Variants in SLC25A21 observed in about 807,000 individuals in gnomAD.
SLC25A21 encodes solute carrier family 25 member 21.
SLC25A21 carries 47 observed loss-of-function variants against 43.8 expected under a neutral mutation model. That is an observed-to-expected ratio of 1.07 (90% CI 0.85 to 1.37). The LOEUF (loss-of-function observed/expected upper bound fraction) is 1.37. SLC25A21 is among the 40% of genes most tolerant of loss of function. The pLI, the probability that SLC25A21 is intolerant of heterozygous loss-of-function variation, is 0.00. For missense variants in SLC25A21, 352 were observed against 350.2 expected (o/e 1.00, Z -0.04); for synonymous variants, 131 against 121.3 (o/e 1.08, Z -0.52).
Position 36,678,647 on chromosome 14 carries a change from G to C in SLC25A21, c.*2011C>G. 1.6e-6 allele frequency: 2 copies of C among 1,264,870 alleles called. No individual in the cohort carries two copies. Among genetic ancestry groups the C allele is most frequent in the African/African-American group, 1.5e-5 (1 of 65,824 alleles). The allele number at this position is 1,264,870 out of a possible 1,614,324, so 78.4% of individuals were successfully genotyped here. A position where few individuals can be genotyped will look rare whatever the true frequency, so the allele number is the denominator to read the frequency against. ...ATCAAATGTTTTTAGGTGGCTGTTA[G>C]GGGGCTTTAAAAAATATTACTTGCT... On this transcript the variant is annotated 3_prime_UTR_variant, in exon 10 of 10. Transcript: ENST00000331299.
intron 3 of SLC25A21, among the ~76,000 whole-genome samples, chr14:36,754,664 G>T (rs1885855921): frequency 6.6e-6 from 1 of 151,890 alleles, no homozygotes; most frequent in Non-Finnish European, 1.5e-5. Flanking sequence ...TACACACTGT[G>T]GGCACTTGAA....
At chr14:37,047,473 C>T (rs927651349) in intron 1 of SLC25A21, among the ~76,000 whole-genome samples, 3 of 152,182 alleles carry the variant, frequency 2.0e-5, no homozygotes, top group Non-Finnish European at 2.9e-5. Context: ...GGTCCATTTC[C>T]GGAACTTTGC....
At chr14:37,145,474 C>CAG (rs371272773) in intron 1 of SLC25A21, among the ~76,000 whole-genome samples, 21,950 of 119,308 alleles carry the variant, frequency 0.18, 1,669 homozygotes, top group South Asian at 0.28. Context: ...CACACACACA[C>CAG]ACAGAGAGAT....
At chr14:37,024,119 T>C (rs748828479) in intron 1 of SLC25A21, among the ~76,000 whole-genome samples, 13 of 152,080 alleles carry the variant, frequency 8.5e-5, no homozygotes, top group Admixed American at 2.0e-4. Flanking sequence ...TTGGACAAAA[T>C]GAGTAAGCAA....
intron 7 of SLC25A21, among the ~76,000 whole-genome samples, chr14:36,693,557 T>C (rs965817174): frequency 1.3e-5 from 2 of 152,264 alleles, no homozygotes. Context: ...GGGAGATGAC[T>C]TGATTATAGT....
At chr14:37,056,886 T>C (rs1458736585) in intron 1 of SLC25A21, among the ~76,000 whole-genome samples, 1 of 152,192 alleles carries the variant, frequency 6.6e-6, no homozygotes, top group Non-Finnish European at 1.5e-5. Context: ...CCTGGATCCA[T>C]AAAGACTAGA....
At chr14:37,069,049 A>AGC in intron 1 of SLC25A21, among the ~76,000 whole-genome samples, 1 of 151,964 alleles carries the variant, frequency 6.6e-6, no homozygotes, top group Admixed American at 6.6e-5. Flanking sequence ...TGGTGGCAGG[A>AGC]GCCTGTAGTT....
At chr14:36,826,914 T>A (rs549573764) in intron 2 of SLC25A21, among the ~76,000 whole-genome samples, 5 of 152,300 alleles carry the variant, frequency 3.3e-5, no homozygotes, top group Admixed American at 3.3e-4. Flanking sequence ...CCCTTCTGGA[T>A]CCCTCTCCTC....
chr14:36,740,430 T>C (rs974953200), intron 3 of SLC25A21, among the ~76,000 whole-genome samples: 11 of 152,176 alleles, frequency 7.2e-5, no homozygotes, highest in Non-Finnish European at 1.3e-4. Flanking sequence ...AGAGGTATTT[T>C]TCACAAACCT....
At chr14:37,074,806 A>G (rs1962246903) in intron 1 of SLC25A21, among the ~76,000 whole-genome samples, 1 of 152,166 alleles carries the variant, frequency 6.6e-6, no homozygotes, top group Non-Finnish European at 1.5e-5. Context: ...TGAGTGACAG[A>G]GTGAGACTCT....
intron 1 of SLC25A21, among the ~76,000 whole-genome samples, chr14:36,935,451 C>T (rs1892397747): frequency 6.6e-6 from 1 of 152,154 alleles, no homozygotes; most frequent in African/African-American, 2.4e-5. Context: ...CACTGTGGTT[C>T]TCTTTTTAGT....
At chr14:36,828,167 G>C (rs1888905777) in intron 2 of SLC25A21, among the ~76,000 whole-genome samples, 1 of 148,190 alleles carries the variant, frequency 6.7e-6, no homozygotes, top group Non-Finnish European at 1.5e-5. Context: ...AAATCCATGA[G>C]GAACTATGCA....
At chr14:37,021,453 AATAAT>A (rs1235260976) in intron 1 of SLC25A21, among the ~76,000 whole-genome samples, 5 of 151,960 alleles carry the variant, frequency 3.3e-5, no homozygotes, top group Non-Finnish European at 5.9e-5. Flanking sequence ...TGCTCTGATC[AATAAT>A]ATATTCTATT....
intron 1 of SLC25A21, among the ~76,000 whole-genome samples, chr14:36,897,119 T>C (rs1244528387): frequency 6.6e-6 from 1 of 152,236 alleles, no homozygotes; most frequent in Admixed American, 6.5e-5. Flanking sequence ...TCCTGGATTA[T>C]ATCCTGCAGA....
chr14:37,059,831 G>A (rs8014426), intron 1 of SLC25A21, among the ~76,000 whole-genome samples: 73,790 of 151,892 alleles, frequency 0.49, 21,010 homozygotes, highest in African/African-American at 0.81. Flanking sequence ...GCACTAGAGG[G>A]GTATCAACCA....
chr14:36,861,811 G>A (rs1158214307), intron 2 of SLC25A21, among the ~76,000 whole-genome samples: 1 of 152,104 alleles, frequency 6.6e-6, no homozygotes, highest in Non-Finnish European at 1.5e-5. Flanking sequence ...CTGAAAATAG[G>A]CATGGTATTA....
chr14:36,732,345 T>C (rs1211888862), intron 4 of SLC25A21, among the ~76,000 whole-genome samples: 1 of 152,048 alleles, frequency 6.6e-6, no homozygotes, highest in African/African-American at 2.4e-5. Context: ...AAACTGCACA[T>C]GGGAAAACTG....
intron 1 of SLC25A21, among the ~76,000 whole-genome samples, chr14:36,921,864 G>T (rs1470402431): frequency 6.6e-6 from 1 of 152,072 alleles, no homozygotes; most frequent in Admixed American, 6.6e-5. Flanking sequence ...TACAGCATAG[G>T]CCAGGCATGG....
At chr14:36,784,708 G>C (rs991080242) in intron 3 of SLC25A21, among the ~76,000 whole-genome samples, 2 of 152,152 alleles carry the variant, frequency 1.3e-5, no homozygotes, top group African/African-American at 4.8e-5. Flanking sequence ...GGATTGGTTA[G>C]GCTTTGTATC....
Sources: gnomAD v4.1 joint callset for allele counts (sites outside exome capture counted in the v4.1 genomes callset) on GRCh38, gnomAD v4.1.1 for gene constraint, MANE v1.5 for transcripts, NCBI Gene and HGNC (gene_info 2026-07-23, HGNC 2026-07-21) for gene names.